PICK1: variants seen among roughly 807,000 people sequenced by gnomAD.
PICK1 encodes PRKCA-binding protein.
A neutral mutation model predicts 48.9 loss-of-function variants in PICK1; 23 were observed. That is an observed-to-expected ratio of 0.47 (90% CI 0.34 to 0.67). PICK1 has a LOEUF of 0.67. PICK1 is among the 30% of genes least tolerant of loss of function. PICK1 has a pLI of 0.01. For synonymous variants in PICK1, 217 were observed against 228.2 expected (o/e 0.95, Z 0.44); for missense variants, 423 against 557.1 (o/e 0.76, Z 2.42).
Position 38,064,200 on chromosome 22 carries a change from G to A in PICK1, c.154-802G>A, listed in dbSNP as rs184694646. 2.6e-3 allele frequency among the ~76,000 whole-genome samples: 389 copies of A among 152,092 alleles called. 1 individual carries two copies. The highest frequency in any genetic ancestry group is 0.017 in the Middle Eastern group (5 of 294). ...AGCCTTCTGAGTAGCTGGGACTGCA[G>A]GCGCCTGCCACCATGCCCAGCTAAT... On this transcript the variant is annotated intron_variant, in intron 3 of 12. Transcript: ENST00000356976.
Position 38,073,394 on chromosome 22 carries a change from T to G in PICK1, c.783+302T>G, listed in dbSNP as rs1003053561. ...GCATAAAATGGGTGTCAGTGAACGT[T>G]CGTGAGTTTTACATTTAATTATTCT... On this transcript the variant is annotated intron_variant, in intron 10 of 12. Transcript: ENST00000356976. This position sits in a 1 kb window ranked among gnomAD's most constrained non-coding sequence, Gnocchi z 5.7. 2.1e-4 allele frequency among the ~76,000 whole-genome samples: 32 copies of G among 152,246 alleles called. No homozygotes were observed. Among genetic ancestry groups the G allele is most frequent in the African/African-American group, 7.7e-4 (32 of 41,468 alleles).
intron 8 of PICK1, 81 bp downstream of exon 8, chr22:38,071,825 C>A (rs1245588103): frequency 9.7e-6 from 12 of 1,243,480 alleles, no homozygotes; most frequent in South Asian, 6.0e-5. Context: ...TGGGTCAGAC[C>A]CACAGCGCCT....
intron 3 of PICK1, among the ~76,000 whole-genome samples, chr22:38,060,125 C>T (rs1351998626): frequency 1.3e-5 from 2 of 152,320 alleles, no homozygotes; most frequent in South Asian, 4.1e-4. Flanking sequence ...GTAGGAGAAT[C>T]GCTTGAACCT....
At chr22:38,072,738 T>C in intron 9 of PICK1, 128 bp downstream of exon 9, 2 of 1,357,050 alleles carry the variant, frequency 1.5e-6, no homozygotes, top group East Asian at 4.6e-5. Context: ...ACCCACACAG[T>C]GGACTGTGGG....
At position 38,074,528 on chromosome 22, in the gene PICK1, G is replaced by T. The variant is rs577314904; in HGVS notation, c.979+77G>T. 1 of 1,564,302 alleles carries T rather than the reference G, an allele frequency of 6.4e-7. No homozygotes were observed. Among genetic ancestry groups the T allele is most frequent in the African/African-American group, 1.4e-5 (1 of 73,760 alleles). ...TGAGGCCCAGAGGGGTACTCTCAGG[G>T]CCAGGCCACGGCCCAGATGTAAAGC... On this transcript the variant is annotated intron_variant, in intron 12 of 12. Coordinates refer to ENST00000356976, the MANE Select transcript of PICK1 (RefSeq NM_012407.4). The surrounding 1 kb of genome is among the most constrained non-coding windows in gnomAD (Gnocchi z 4.5).
chr22:38,070,050 G>C (rs539935179), intron 6 of PICK1, among the ~76,000 whole-genome samples: 1 of 152,314 alleles, frequency 6.6e-6, no homozygotes, highest in South Asian at 2.1e-4. Flanking sequence ...CCACCGGGTG[G>C]CCAAAGCCTC....
At chr22:38,064,748 G>A (rs565896226) in intron 3 of PICK1, among the ~76,000 whole-genome samples, 9 of 152,222 alleles carry the variant, frequency 5.9e-5, no homozygotes, top group African/African-American at 2.4e-5. Flanking sequence ...CAACAAGAGC[G>A]AAACGCCGAC....
chr22:38,058,164 T>G (rs1379781609), intron 2 of PICK1: 2 of 441,344 alleles, frequency 4.5e-6, no homozygotes, highest in Non-Finnish European at 8.4e-6. Context: ...TTGAACCAGG[T>G]TTTGAAGGTT....
At chr22:38,072,935 C>A in intron 9 of PICK1, 65 bp from the exon 10 acceptor site, 1 of 1,042,822 alleles carries the variant, frequency 9.6e-7, no homozygotes, top group Non-Finnish European at 1.5e-6. Flanking sequence ...CGCATCAGTG[C>A]CATTCATTGT....
At chr22:38,060,422 A>G (rs1184479097) in intron 3 of PICK1, among the ~76,000 whole-genome samples, 1 of 152,190 alleles carries the variant, frequency 6.6e-6, no homozygotes, top group Non-Finnish European at 1.5e-5. Context: ...GGCTCATCCA[A>G]GTCAGTGACC....
In PICK1 at chr22:38,064,994, A is replaced by C; in HGVS notation, c.154-8A>C. On this transcript the variant is annotated splice_region_variant and splice_polypyrimidine_tract_variant and intron_variant, in intron 3 of 12. Transcript: ENST00000356976. Reference sequence around the variant, plus strand: ...TCTTCCCCCACCACTCTCCTTATGCACCCACAGGTATTTGACAACACCCCA... The same window carrying C: ...TCTTCCCCCACCACTCTCCTTATGCCCCCACAGGTATTTGACAACACCCCA... The C allele has an allele frequency of 6.2e-7, 1 of 1,613,896 alleles. No individual in the cohort carries two copies. The highest frequency in any genetic ancestry group is 8.5e-7 in the Non-Finnish European group (1 of 1,179,910).
At chr22:38,057,726 C>T (rs2085304869) in intron 1 of PICK1, 27 bp from the exon 2 acceptor site, 1 of 1,291,538 alleles carries the variant, frequency 7.7e-7, no homozygotes, top group Non-Finnish European at 1.1e-6. Flanking sequence ...TCCTTAAATC[C>T]TATGCTCCTT....
Position 38,073,688 on chromosome 22 carries a change from C to A in PICK1, c.784-85C>A. 3 of 1,254,062 alleles carry A rather than the reference C, an allele frequency of 2.4e-6. No individual in the cohort carries two copies. The highest frequency in any genetic ancestry group is 1.5e-5 in the African/African-American group (1 of 68,162). 77.7% of individuals were successfully genotyped at this position (1,254,062 alleles called of 1,614,324 possible). A position where few individuals can be genotyped will look rare whatever the true frequency, so the allele number is the denominator to read the frequency against. ...CCCTGAACACCTGCGCCAGCCTCTC[C>A]TGCTGCGTGTGGGTGATGGGGGTGG... On this transcript the variant is annotated intron_variant, in intron 10 of 12. Coordinates refer to ENST00000356976, the MANE Select transcript of PICK1 (RefSeq NM_012407.4). This position sits in a 1 kb window ranked among gnomAD's most constrained non-coding sequence, Gnocchi z 5.7.
intron 4 of PICK1, among the ~76,000 whole-genome samples, chr22:38,067,111 G>A (rs988570777): frequency 1.8e-4 from 28 of 151,972 alleles, no homozygotes; most frequent in African/African-American, 6.5e-4. Flanking sequence ...CGTGGGGAGG[G>A]AAGAAGGAGA....
Position 38,057,408 on chromosome 22 carries a change from A to C in PICK1, c.-237A>C. 4.3e-6 allele frequency: 1 copy of C among 231,710 alleles called. No homozygotes were observed. The highest frequency in any genetic ancestry group is 2.2e-5 in the African/African-American group (1 of 44,770). 14.4% of individuals were successfully genotyped at this position (231,710 alleles called of 1,614,324 possible). A position where few individuals can be genotyped will look rare whatever the true frequency, so the allele number is the denominator to read the frequency against. On this transcript the variant is annotated 5_prime_UTR_variant, in exon 1 of 13. Coordinates refer to ENST00000356976, the MANE Select transcript of PICK1 (RefSeq NM_012407.4). ...GCGTCTTGCCGGAAGTGACGTGACA[A>C]TCGCGGCCACCGCCAGGTGGAACGG...
intron 7 of PICK1, among the ~76,000 whole-genome samples, chr22:38,071,458 AC>A (rs1292289379): frequency 6.6e-6 from 1 of 152,238 alleles, no homozygotes; most frequent in Non-Finnish European, 1.5e-5. Flanking sequence ...CAGGCTGTGT[AC>A]CCCTGCATCT....
Position 38,064,990 on chromosome 22 carries a change from A to G in PICK1, c.154-12A>G. On this transcript the variant is annotated splice_polypyrimidine_tract_variant and intron_variant, in intron 3 of 12. Coordinates refer to ENST00000356976, the MANE Select transcript of PICK1 (RefSeq NM_012407.4). ...CCTTTCTTCCCCCACCACTCTCCTT[A>G]TGCACCCACAGGTATTTGACAACAC... The G allele has an allele frequency of 6.2e-7, 1 of 1,613,712 alleles. No homozygotes were observed. The highest frequency in any genetic ancestry group is 8.5e-7 in the Non-Finnish European group (1 of 1,179,868).
rs576648001 is a variant in PICK1 at position 38,057,496 on chromosome 22, G to T, written c.-149G>T. ...TGTGGGACCAACGCTTCCGGTGAGC[G>T]ACAGAGGCAGCTCCCCAGGGCCTGG... is the stretch of plus-strand genomic sequence containing the variant. On this transcript the variant is annotated 5_prime_UTR_variant, in exon 1 of 13. Transcript: ENST00000356976. 5.0e-6 allele frequency: 2 copies of T among 403,108 alleles called. No homozygotes were observed. Among genetic ancestry groups the T allele is most frequent in the African/African-American group, 4.0e-5 (2 of 50,060 alleles). 25.0% of individuals were successfully genotyped at this position (403,108 alleles called of 1,614,324 possible).
Position 38,073,396 on chromosome 22 carries a change from G to A in PICK1, c.783+304G>A, listed in dbSNP as rs529113619. Among the ~76,000 whole-genome samples, 15 of 152,362 alleles carry A rather than the reference G, an allele frequency of 9.8e-5. No individual in the cohort carries two copies. Among genetic ancestry groups the A allele is most frequent in the Middle Eastern group, 3.4e-3 (1 of 294 alleles). On this transcript the variant is annotated intron_variant, in intron 10 of 12. Transcript: ENST00000356976. The surrounding 1 kb of genome is among the most constrained non-coding windows in gnomAD (Gnocchi z 5.7). ...ATAAAATGGGTGTCAGTGAACGTTC[G>A]TGAGTTTTACATTTAATTATTCTAC...
Sources: allele counts gnomAD v4.1 joint callset (sites outside exome capture counted in the v4.1 genomes callset), GRCh38; gene constraint gnomAD v4.1.1; non-coding constraint Gnocchi (gnomAD v3.1); transcripts MANE v1.5; gene names NCBI Gene and HGNC (gene_info 2026-07-23, HGNC 2026-07-21).